Variants in DLGAP1 observed in about 807,000 individuals in gnomAD.
DLGAP1 encodes DLG associated protein 1.
In DLGAP1, 11 loss-of-function variants were observed where a neutral mutation model predicts 90.8. The observed-to-expected ratio is 0.12, with a 90% confidence interval of 0.08 to 0.20. The LOEUF is 0.20. DLGAP1 is among the 10% of genes least tolerant of loss of function. The pLI is 1.00. For synonymous variants in DLGAP1, 558 were observed against 540.7 expected (o/e 1.03, Z -0.44); for missense variants, 1,050 against 1,333.8 (o/e 0.79, Z 3.31).
intron 11 of DLGAP1, 93 bp from the exon 12 acceptor site, chr18:3,502,738 A>G (rs1317834063): frequency 2.4e-5 from 34 of 1,399,030 alleles, no homozygotes; most frequent in Non-Finnish European, 3.0e-5. Context: ...CAAACAACAT[A>G]AGGAGGACTA....
In DLGAP1 at chr18:4,382,549, T is replaced by A. The variant is rs568737546; in HGVS notation, c.-267+72457A>T. 2.6e-5 allele frequency among the ~76,000 whole-genome samples: 4 copies of A among 151,986 alleles called. No individual in the cohort carries two copies. The South Asian group carries it at 8.3e-4, about 32-fold the overall frequency. ...GAAACTGTTTTGGAAAGTTCCTTACTCTGTAACTAATAAAACCACTGGAAC... is the reference window on the plus strand; with the variant it reads ...GAAACTGTTTTGGAAAGTTCCTTACACTGTAACTAATAAAACCACTGGAAC... On this transcript the variant is annotated intron_variant, in intron 1 of 12. Coordinates refer to ENST00000315677, the MANE Select transcript of DLGAP1 (RefSeq NM_004746.4).
intron 2 of DLGAP1, among the ~76,000 whole-genome samples, chr18:4,041,828 CAT>C (rs1428099074): frequency 1.3e-5 from 2 of 152,088 alleles, no homozygotes; most frequent in African/African-American, 2.4e-5. Context: ...AAATTCTTAA[CAT>C]ATTAAAGGGC....
chr18:3,819,378 T>C (rs922834410), intron 4 of DLGAP1, among the ~76,000 whole-genome samples: 1 of 152,206 alleles, frequency 6.6e-6, no homozygotes, highest in African/African-American at 2.4e-5. Context: ...CCATAGAATA[T>C]ATAATTTATC....
chr18:3,649,820 G>A (rs992839054), intron 7 of DLGAP1, among the ~76,000 whole-genome samples: 3 of 152,118 alleles, frequency 2.0e-5, no homozygotes, highest in African/African-American at 4.8e-5. Context: ...AAAGATAAAT[G>A]TGAGAGAGCT....
intron 1 of DLGAP1, among the ~76,000 whole-genome samples, chr18:4,379,851 C>G (rs1045309638): frequency 6.6e-6 from 1 of 152,004 alleles, no homozygotes; most frequent in Non-Finnish European, 1.5e-5. Flanking sequence ...TGAGATCTAA[C>G]AAGAATATTT....
intron 2 of DLGAP1, among the ~76,000 whole-genome samples, chr18:4,141,902 C>T: frequency 6.6e-6 from 1 of 151,982 alleles, no homozygotes; most frequent in Non-Finnish European, 1.5e-5. Flanking sequence ...TGTTGAGTTT[C>T]CTCAAAACAG....
Position 4,378,767 on chromosome 18 carries a change from G to C in DLGAP1, c.-267+76239C>G, listed in dbSNP as rs2082064124. Among the ~76,000 whole-genome samples, 1 of 152,078 alleles carries C rather than the reference G, an allele frequency of 6.6e-6. No homozygotes were observed. The highest frequency in any genetic ancestry group is 2.4e-5 in the African/African-American group (1 of 41,404). On this transcript the variant is annotated intron_variant, in intron 1 of 12. Coordinates refer to ENST00000315677, the MANE Select transcript of DLGAP1 (RefSeq NM_004746.4). The surrounding 1 kb of genome is among the most constrained non-coding windows in gnomAD (Gnocchi z 4.5). Reference sequence around the variant, plus strand: ...TTTATTTCCAACTCTTTCCTAAATAGATCTTCCCTCCTAACAGCTTGGTTG... The same window carrying C: ...TTTATTTCCAACTCTTTCCTAAATACATCTTCCCTCCTAACAGCTTGGTTG...
chr18:3,581,125 T>G (rs1470003924), intron 8 of DLGAP1, among the ~76,000 whole-genome samples: 1 of 152,146 alleles, frequency 6.6e-6, no homozygotes, highest in Non-Finnish European at 1.5e-5. Flanking sequence ...GCTTGCTGCC[T>G]TCAGCCAGGG....
chr18:3,602,508 T>G (rs1241884157), intron 7 of DLGAP1, among the ~76,000 whole-genome samples: 2 of 137,516 alleles, frequency 1.5e-5, no homozygotes, highest in African/African-American at 5.5e-5. Context: ...GGCAGGAGAA[T>G]GGCGTGAACC....
chr18:3,804,123 C>T (rs1227729334), intron 5 of DLGAP1, among the ~76,000 whole-genome samples: 1 of 151,466 alleles, frequency 6.6e-6, no homozygotes, highest in Non-Finnish European at 1.5e-5. Context: ...TAGCTGGGAT[C>T]ACAGGCGCAC....
intron 7 of DLGAP1, among the ~76,000 whole-genome samples, chr18:3,666,819 C>T (rs1387944784): frequency 6.6e-6 from 1 of 152,156 alleles, no homozygotes; most frequent in African/African-American, 2.4e-5. Context: ...TGCAGTGGTG[C>T]AATCATAGCT....
Position 3,517,455 on chromosome 18 carries a change from A to G in DLGAP1, c.2480-8794T>C, listed in dbSNP as rs113661913. ...GAGACAGTTTCTTTCTTTAAACTCC[A>G]TGAACCAACGATTGCTAGCTTCAAA... On this transcript the variant is annotated intron_variant, in intron 10 of 12. Coordinates refer to ENST00000315677, the MANE Select transcript of DLGAP1 (RefSeq NM_004746.4). The surrounding 1 kb of genome is among the most constrained non-coding windows in gnomAD (Gnocchi z 4.1). Among the ~76,000 whole-genome samples, 2,369 of 152,322 alleles carry G rather than the reference A, an allele frequency of 0.016. 63 individuals are homozygous for G. Among genetic ancestry groups the G allele is most frequent in the African/African-American group, 0.054 (2,228 of 41,566 alleles).
At chr18:3,717,640 T>C (rs1229080395) in intron 7 of DLGAP1, among the ~76,000 whole-genome samples, 3 of 152,170 alleles carry the variant, frequency 2.0e-5, no homozygotes, top group African/African-American at 7.2e-5. Context: ...GAAAAAACAG[T>C]AAAGAATTTT....
intron 4 of DLGAP1, chr18:3,874,879 T>C: frequency 1.1e-6 from 1 of 874,784 alleles, no homozygotes; most frequent in Admixed American, 3.6e-5. Context: ...ATAATACAAT[T>C]GACCGTATTA....
intron 3 of DLGAP1, among the ~76,000 whole-genome samples, chr18:3,898,207 G>C (rs536342013): frequency 1.3e-5 from 2 of 152,292 alleles, no homozygotes; most frequent in African/African-American, 4.8e-5. Context: ...AATTTTCTTT[G>C]AGTTTCATGT....
chr18:3,610,946 A>T, intron 7 of DLGAP1, among the ~76,000 whole-genome samples: 1 of 148,206 alleles, frequency 6.7e-6, no homozygotes, highest in African/African-American at 2.5e-5. Flanking sequence ...CATAATTTGT[A>T]TGACTCATGC....
chr18:4,074,716 C>T (rs375609191), intron 2 of DLGAP1, among the ~76,000 whole-genome samples: 10 of 152,024 alleles, frequency 6.6e-5, no homozygotes, highest in East Asian at 1.9e-4. Flanking sequence ...TAACCAATAC[C>T]GTAAACTCCT....
In DLGAP1 at chr18:3,958,460, CAA is replaced by C. The variant is rs71160925; in HGVS notation, c.-73+46654_-73+46655del. ...AAGAGAGATTGCAAATTAGGATAAG[CAA>C]AAAAAAAAAAAAAAAAAGAGGACAG... On this transcript the variant is annotated intron_variant, in intron 3 of 12. Coordinates refer to ENST00000315677, the MANE Select transcript of DLGAP1 (RefSeq NM_004746.4). Among the ~76,000 whole-genome samples, 888 of 97,162 alleles carry C rather than the reference CAA, an allele frequency of 9.1e-3. 1 individual carries two copies. Among genetic ancestry groups the C allele is most frequent in the Non-Finnish European group, 0.013 (603 of 47,698 alleles). The allele number at this position is 97,162 out of a possible 152,430, so 63.7% of individuals were successfully genotyped here.
chr18:4,170,672 T>TG (rs781409998), intron 1 of DLGAP1, among the ~76,000 whole-genome samples: 2 of 151,900 alleles, frequency 1.3e-5, no homozygotes, highest in African/African-American at 2.4e-5. Context: ...CAAATCTGAG[T>TG]GGGGAAAAAG....
Sources: gnomAD v4.1 joint callset for allele counts (sites outside exome capture counted in the v4.1 genomes callset) on GRCh38, gnomAD v4.1.1 for gene constraint, Gnocchi (gnomAD v3.1) non-coding constraint, MANE v1.5 for transcripts, NCBI Gene and HGNC (gene_info 2026-07-23, HGNC 2026-07-21) for gene names.